The following NFAT5 variants were observed in gnomAD, a reference collection of about 807,000 sequenced individuals.
NFAT5 encodes nuclear factor of activated T-cells 5.
Under a neutral mutation model 166.5 loss-of-function variants are expected in NFAT5, and 31 were observed. That is an observed-to-expected ratio of 0.19 (90% confidence interval 0.14 to 0.25). NFAT5 has a LOEUF of 0.25. Among genes scored for constraint, NFAT5 ranks in the 10% least tolerant of loss-of-function variants. The probability of loss-of-function intolerance (pLI) is 1.00; values close to 1 mark genes in which losing one functional copy is unlikely to be tolerated. For synonymous variants in NFAT5, 612 were observed against 639.7 expected (o/e 0.96, Z 0.65); for missense variants, 1,449 against 1,821.8 (o/e 0.80, Z 3.72).
At chr16:69,637,484 G>T (rs888490828) in intron 3 of NFAT5, among the ~76,000 whole-genome samples, 2 of 152,046 alleles carry the variant, frequency 1.3e-5, no homozygotes, top group African/African-American at 4.8e-5. Flanking sequence ...TGTTCATTTG[G>T]ACTTACAGTT....
intron 4 of NFAT5, among the ~76,000 whole-genome samples, chr16:69,651,175 T>A (rs2151628645): frequency 6.6e-6 from 1 of 152,352 alleles, no homozygotes; most frequent in South Asian, 2.1e-4. Flanking sequence ...TCTTTGTCCC[T>A]TTCTTCTTCT....
Position 69,626,417 on chromosome 16 carries a change from C to A in NFAT5, c.142C>A (p.Leu48Ile). Residue 48 changes from leucine (L) to isoleucine (I), a missense_variant, in exon 3 of 15, where the codon CTT (leucine) becomes ATT (isoleucine). Transcript: ENST00000349945. ...CCTCCCCACAGAATCTGTCTATGAT[C>A]TTCTCCCAAAGGAGTTACAGTTACC... ...AGLLEESVYD[L>I]LPKELQLPPS... The A allele has an allele frequency of 2.5e-6, 4 of 1,577,734 alleles. No homozygotes were observed. Among genetic ancestry groups the A allele is most frequent in the Non-Finnish European group, 3.4e-6 (4 of 1,165,272 alleles).
At chr16:69,574,438 T>C (rs2016621605) in intron 2 of NFAT5, among the ~76,000 whole-genome samples, 1 of 152,154 alleles carries the variant, frequency 6.6e-6, no homozygotes, top group African/African-American at 2.4e-5. Flanking sequence ...AAAAGTCAAG[T>C]TTAAATAAAC....
In NFAT5 at chr16:69,626,391, C is replaced by G; in HGVS notation, c.128-12C>G. The G allele has an allele frequency of 6.4e-7, 1 of 1,551,628 alleles. No individual in the cohort carries two copies. The highest frequency in any genetic ancestry group is 1.3e-5 in the South Asian group (1 of 79,756). ...TAAAAATTGTTTTCTCCTCTCTTTCCCCTCCCCACAGAATCTGTCTATGAT... is the reference window on the plus strand; with the variant it reads ...TAAAAATTGTTTTCTCCTCTCTTTCGCCTCCCCACAGAATCTGTCTATGAT... On this transcript the variant is annotated splice_polypyrimidine_tract_variant and intron_variant, in intron 2 of 14. Coordinates refer to ENST00000349945, the MANE Select transcript of NFAT5 (RefSeq NM_138713.4).
At chr16:69,574,440 T>A (rs972676197) in intron 2 of NFAT5, among the ~76,000 whole-genome samples, 2 of 152,180 alleles carry the variant, frequency 1.3e-5, no homozygotes, top group African/African-American at 4.8e-5. Flanking sequence ...AAGTCAAGTT[T>A]AAATAAACTA....
At chr16:69,646,980 T>G (rs1170086785) in intron 3 of NFAT5, 48 bp from the exon 4 acceptor site, 5 of 1,415,444 alleles carry the variant, frequency 3.5e-6, no homozygotes, top group Non-Finnish European at 4.7e-6. Flanking sequence ...CTAGCCAGCA[T>G]AGGTGAAAAC....
chr16:69,651,897 C>A (rs2035685056), intron 4 of NFAT5, among the ~76,000 whole-genome samples: 1 of 151,928 alleles, frequency 6.6e-6, no homozygotes, highest in Non-Finnish European at 1.5e-5. Context: ...GTCTCAAACT[C>A]CTGACCTCAG....
chr16:69,681,917 GA>G (rs763455010), intron 10 of NFAT5, among the ~76,000 whole-genome samples: 6,896 of 102,174 alleles, frequency 0.067, 553 homozygotes, highest in African/African-American at 0.22. Flanking sequence ...GACTCCATCT[GA>G]AAAAAAAAAA....
At chr16:69,648,104 A>T (rs1346039045) in intron 4 of NFAT5, 1 of 425,250 alleles carries the variant, frequency 2.4e-6, no homozygotes, top group East Asian at 1.6e-4. Context: ...TGAACCCAGG[A>T]GGCAGAGGTT....
chr16:69,572,959 C>T (rs866702625), intron 2 of NFAT5, among the ~76,000 whole-genome samples: 2 of 152,154 alleles, frequency 1.3e-5, no homozygotes, highest in African/African-American at 4.8e-5. Context: ...TGTCCTGCCT[C>T]AGCCTCCTGA....
At chr16:69,649,942 G>A (rs1205179697) in intron 4 of NFAT5, among the ~76,000 whole-genome samples, 1 of 151,496 alleles carries the variant, frequency 6.6e-6, no homozygotes, top group Non-Finnish European at 1.5e-5. Context: ...TAAGATGTTA[G>A]AGTCTAATAA....
chr16:69,683,067 A>G (rs538029041), intron 10 of NFAT5, among the ~76,000 whole-genome samples: 4 of 152,158 alleles, frequency 2.6e-5, no homozygotes, highest in East Asian at 3.9e-4. Flanking sequence ...CAAAATTAAC[A>G]GGGTGCGGTG....
rs147763812 is a variant in NFAT5, at chr16:69,672,989, A to G, written c.1557+2701A>G. On this transcript the variant is annotated intron_variant, in intron 9 of 14. Coordinates refer to ENST00000349945, the MANE Select transcript of NFAT5 (RefSeq NM_138713.4). The stretch of plus-strand genomic sequence containing the variant: ...TTTTGTATAGAACTTTATATTCATA[A>G]GTTATCCTCCCTCCCTACCTCCATT... Among the ~76,000 whole-genome samples the G allele has an allele frequency of 1.7e-4, 25 of 151,384 alleles. No homozygotes were observed. In the East Asian group the frequency reaches 4.1e-3, roughly 25 times the overall value.
intron 6 of NFAT5, among the ~76,000 whole-genome samples, chr16:69,656,385 C>T (rs1381291173): frequency 6.7e-6 from 1 of 150,244 alleles, no homozygotes; most frequent in African/African-American, 2.4e-5. Context: ...ATAATAGTAA[C>T]ATTGAAAATA....
At chr16:69,583,829 GT>G (rs1246505802) in intron 2 of NFAT5, among the ~76,000 whole-genome samples, 1 of 152,202 alleles carries the variant, frequency 6.6e-6, no homozygotes. Context: ...GGTTTTGGAA[GT>G]TTGAGGATTG....
chr16:69,695,670 C>T (rs939220268), intron 14 of NFAT5: 4 of 204,688 alleles, frequency 2.0e-5, no homozygotes, highest in Admixed American at 6.0e-5. Flanking sequence ...GGTGAAACCC[C>T]GTCTCTACTA....
intron 10 of NFAT5, among the ~76,000 whole-genome samples, chr16:69,682,946 T>C (rs1361886391): frequency 1.3e-5 from 2 of 152,250 alleles, no homozygotes; most frequent in Non-Finnish European, 2.9e-5. Flanking sequence ...GCGTGGTGGC[T>C]CACGCATAGA....
chr16:69,607,909 C>T (rs779990379), intron 2 of NFAT5, among the ~76,000 whole-genome samples: 70 of 152,074 alleles, frequency 4.6e-4, no homozygotes, highest in Non-Finnish European at 8.7e-4. Context: ...GTTTGTTTTC[C>T]TCACACCAGT....
intron 10 of NFAT5, among the ~76,000 whole-genome samples, chr16:69,683,339 C>G (rs920837560): frequency 1.3e-5 from 2 of 152,072 alleles, no homozygotes; most frequent in African/African-American, 2.4e-5. Flanking sequence ...TGAGACCAAC[C>G]TGGGCAACAT....
Sources: allele counts gnomAD v4.1 joint callset (sites outside exome capture counted in the v4.1 genomes callset), GRCh38; gene constraint gnomAD v4.1.1; transcripts MANE v1.5; gene names NCBI Gene and HGNC (gene_info 2026-07-23, HGNC 2026-07-21).